VWA8: variants seen among roughly 807,000 people sequenced by gnomAD.
VWA8 encodes the protein von Willebrand factor A domain containing 8.
VWA8 carries 221 observed loss-of-function variants against 241.5 expected under a neutral mutation model. That is an observed-to-expected ratio of 0.91 (90% CI 0.82 to 1.02). The LOEUF (loss-of-function observed/expected upper bound fraction) is 1.02, where lower values mean the gene tolerates loss of function less well. Ranked by LOEUF, VWA8 falls within the 50% of genes least tolerant of loss-of-function variation. The pLI, the probability that VWA8 is intolerant of heterozygous loss-of-function variation, is 0.00. For missense variants in VWA8, 2,322 were observed against 2,328.7 expected (o/e 1.00, Z 0.06); for synonymous variants, 852 against 827.1 (o/e 1.03, Z -0.52).
intron 2 of VWA8, among the ~76,000 whole-genome samples, chr13:41,920,679 G>C (rs935253474): frequency 6.6e-6 from 1 of 152,106 alleles, no homozygotes; most frequent in African/African-American, 2.4e-5. Flanking sequence ...AAATAAACTA[G>C]AAAATCTAGA....
chr13:41,649,552 T>G (rs1566401833), intron 37 of VWA8, among the ~76,000 whole-genome samples: 1 of 147,576 alleles, frequency 6.8e-6, no homozygotes, highest in African/African-American at 2.6e-5. Flanking sequence ...TGAATCATTT[T>G]GATTAGAGTA....
Position 41,865,896 on chromosome 13 carries a change from T to C in VWA8, c.1347+6A>G, listed in dbSNP as rs1346436166. 1 of 1,614,210 alleles carries C rather than the reference T, an allele frequency of 6.2e-7. No homozygotes were observed. The highest frequency in any genetic ancestry group is 8.5e-7 in the Non-Finnish European group (1 of 1,180,006). On this transcript the variant is annotated splice_donor_region_variant and intron_variant, in intron 11 of 44. Coordinates refer to ENST00000379310, the MANE Select transcript of VWA8 (RefSeq NM_015058.2). ...TAAAAGTCTGCAGTGAGACTGTCATTCTTACCTTTCCTCCAATTAAACATA... is the reference window on the plus strand; with the variant it reads ...TAAAAGTCTGCAGTGAGACTGTCATCCTTACCTTTCCTCCAATTAAACATA...
intron 2 of VWA8, among the ~76,000 whole-genome samples, chr13:41,937,683 G>A (rs1008039892): frequency 5.3e-5 from 8 of 152,280 alleles, no homozygotes; most frequent in Admixed American, 2.6e-4. Context: ...AGTACACACT[G>A]TGATGTTACA....
In VWA8 at chr13:41,702,409, A is replaced by G. The variant is rs1487907494; in HGVS notation, c.3226-879T>C. On this transcript the variant is annotated intron_variant, in intron 27 of 44. Transcript: ENST00000379310. ...TTAAATGCACTTGAATGAGATTTGG[A>G]AGGCAGAAAAGAGGTAGTGGCCATC... Among the ~76,000 whole-genome samples, 6 of 152,304 alleles carry G rather than the reference A, an allele frequency of 3.9e-5. No individual in the cohort carries two copies. In the East Asian group the frequency reaches 1.2e-3, roughly 29 times the overall value.
intron 2 of VWA8, among the ~76,000 whole-genome samples, chr13:41,922,825 A>C (rs1034482859): frequency 5.3e-5 from 8 of 152,220 alleles, no homozygotes; most frequent in Non-Finnish European, 1.2e-4. Flanking sequence ...GAATACTTTT[A>C]CACTGTTAGT....
intron 24 of VWA8, among the ~76,000 whole-genome samples, chr13:41,725,561 G>A (rs2045426210): frequency 1.3e-5 from 2 of 152,166 alleles, no homozygotes; most frequent in Admixed American, 6.6e-5. Context: ...GAAGAGTAGG[G>A]TTGGAGAGAA....
intron 9 of VWA8, among the ~76,000 whole-genome samples, chr13:41,869,743 C>G (rs978719143): frequency 1.4e-5 from 2 of 146,098 alleles, no homozygotes; most frequent in Non-Finnish European, 3.0e-5. Context: ...CTAGCTATAT[C>G]AAAACTACAC....
chr13:41,667,368 C>T (rs9315857), intron 37 of VWA8, among the ~76,000 whole-genome samples: 49,306 of 152,042 alleles, frequency 0.32, 8,886 homozygotes, highest in Non-Finnish European at 0.42. Context: ...TTCTATGCCT[C>T]ACTCCTTTTT....
At chr13:41,719,111 T>C (rs1487443578) in intron 26 of VWA8, among the ~76,000 whole-genome samples, 3 of 152,018 alleles carry the variant, frequency 2.0e-5, no homozygotes, top group Admixed American at 6.6e-5. Flanking sequence ...TAGTTCTTAC[T>C]ACCTCTTTCA....
chr13:41,710,926 C>T (rs921691901), intron 26 of VWA8, among the ~76,000 whole-genome samples: 1 of 152,180 alleles, frequency 6.6e-6, no homozygotes, highest in African/African-American at 2.4e-5. Flanking sequence ...GTAGCAGCTG[C>T]TATTGATGGC....
intron 20 of VWA8, among the ~76,000 whole-genome samples, chr13:41,774,371 G>T (rs1489996632): frequency 6.6e-6 from 1 of 152,236 alleles, no homozygotes; most frequent in African/African-American, 2.4e-5. Flanking sequence ...TCAAACTCCT[G>T]GCCTCAACTG....
intron 14 of VWA8, among the ~76,000 whole-genome samples, chr13:41,826,350 G>A (rs1871168166): frequency 6.6e-6 from 1 of 152,080 alleles, no homozygotes; most frequent in African/African-American, 2.4e-5. Context: ...AAAAGTTAAG[G>A]ACAGACCAAG....
chr13:41,882,201 C>A (rs1173105965), intron 9 of VWA8, among the ~76,000 whole-genome samples: 2 of 147,204 alleles, frequency 1.4e-5, no homozygotes, highest in South Asian at 2.2e-4. Context: ...ACATCTCAGA[C>A]GATGGGCGGC....
At chr13:41,618,643 A>G (rs1034477868) in intron 37 of VWA8, among the ~76,000 whole-genome samples, 39 of 152,122 alleles carry the variant, frequency 2.6e-4, no homozygotes, top group African/African-American at 8.7e-4. Flanking sequence ...TCTTGAATTA[A>G]TTTTTGTATA....
At chr13:41,908,848 G>GAAC (rs887929789) in intron 3 of VWA8, among the ~76,000 whole-genome samples, 4 of 152,138 alleles carry the variant, frequency 2.6e-5, no homozygotes, top group African/African-American at 7.2e-5. Flanking sequence ...TAAACATGAG[G>GAAC]AACAAACTGA....
At chr13:41,648,486 T>C (rs1469225115) in intron 37 of VWA8, among the ~76,000 whole-genome samples, 1 of 152,212 alleles carries the variant, frequency 6.6e-6, no homozygotes, top group Non-Finnish European at 1.5e-5. Flanking sequence ...TATGTTTTTG[T>C]AGAGAACAAA....
intron 4 of VWA8, among the ~76,000 whole-genome samples, chr13:41,893,408 C>A (rs1874941520): frequency 6.7e-6 from 1 of 149,158 alleles, no homozygotes; most frequent in Admixed American, 6.7e-5. Context: ...ATCATTACTG[C>A]AATATTTTAA....
At chr13:41,650,955 G>A (rs1242733885) in intron 37 of VWA8, among the ~76,000 whole-genome samples, 1 of 152,172 alleles carries the variant, frequency 6.6e-6, no homozygotes, top group African/African-American at 2.4e-5. Flanking sequence ...CATATTTAAG[G>A]GGTGTGTGGA....
chr13:41,807,505 AT>A (rs770504226), intron 17 of VWA8, among the ~76,000 whole-genome samples: 7 of 152,206 alleles, frequency 4.6e-5, no homozygotes, highest in Non-Finnish European at 8.8e-5. Flanking sequence ...ACCAAGCGGG[AT>A]TTATGCCAGG....
Sources: gnomAD v4.1 joint callset for allele counts (sites outside exome capture counted in the v4.1 genomes callset) on GRCh38, gnomAD v4.1.1 for gene constraint, MANE v1.5 for transcripts, NCBI Gene and HGNC (gene_info 2026-07-23, HGNC 2026-07-21) for gene names.